SETBP1: variants seen among roughly 807,000 people sequenced by gnomAD.
SETBP1 encodes SET-binding protein.
Under a neutral mutation model 101.0 loss-of-function variants are expected in SETBP1, and 9 were observed. The ratio of observed to expected loss-of-function variants is 0.09; its 90% CI spans 0.05 to 0.16. SETBP1 has a LOEUF of 0.16. Among genes scored for constraint, SETBP1 ranks in the 10% least tolerant of loss-of-function variants. The probability of loss-of-function intolerance (pLI) is 1.00; values close to 1 mark genes in which losing one functional copy is unlikely to be tolerated. For missense variants in SETBP1, 1,858 were observed against 2,033.8 expected, an observed-to-expected ratio of 0.91 and a Z score of 1.66; for synonymous variants, 818 against 788.5, an observed-to-expected ratio of 1.04 and a Z score of -0.63.
intron 2 of SETBP1, among the ~76,000 whole-genome samples, chr18:44,721,994 G>C (rs1336978973): frequency 6.6e-6 from 1 of 152,178 alleles, no homozygotes; most frequent in Non-Finnish European, 1.5e-5. Flanking sequence ...TTGCCAACTA[G>C]AGGGTATCTG....
At chr18:44,767,193 T>C (rs182215981) in intron 2 of SETBP1, among the ~76,000 whole-genome samples, 5 of 152,370 alleles carry the variant, frequency 3.3e-5, no homozygotes, top group Non-Finnish European at 7.3e-5. Flanking sequence ...CCTGGGGATG[T>C]CCAAGCACAG....
intron 3 of SETBP1, among the ~76,000 whole-genome samples, chr18:44,939,669 C>T (rs978995254): frequency 3.9e-5 from 6 of 152,186 alleles, no homozygotes; most frequent in Non-Finnish European, 8.8e-5. Flanking sequence ...ATGCTCCCTC[C>T]AACAACGTAT....
intron 4 of SETBP1, among the ~76,000 whole-genome samples, chr18:44,997,997 G>A (rs1432510007): frequency 6.6e-6 from 1 of 152,174 alleles, no homozygotes; most frequent in Non-Finnish European, 1.5e-5. Context: ...GGAATCTTTA[G>A]CACATATTGT....
chr18:45,028,517 T>C (rs960093179), intron 4 of SETBP1, among the ~76,000 whole-genome samples: 1 of 152,140 alleles, frequency 6.6e-6, no homozygotes, highest in African/African-American at 2.4e-5. Context: ...GTCCTTTGGG[T>C]ATATACCCAG....
At chr18:44,960,711 C>A (rs1266420230) in intron 4 of SETBP1, among the ~76,000 whole-genome samples, 1 of 152,094 alleles carries the variant, frequency 6.6e-6, no homozygotes, top group Non-Finnish European at 1.5e-5. Flanking sequence ...TCTTCCCTGA[C>A]CACTCCCTTT....
At chr18:44,984,317 A>G (rs180860259) in intron 4 of SETBP1, among the ~76,000 whole-genome samples, 165 of 152,248 alleles carry the variant, frequency 1.1e-3, no homozygotes, top group African/African-American at 3.6e-3. Context: ...CGGAGAAGGG[A>G]GGATAATTTC....
At chr18:44,812,059 G>T (rs1034915028) in intron 2 of SETBP1, among the ~76,000 whole-genome samples, 1 of 152,176 alleles carries the variant, frequency 6.6e-6, no homozygotes, top group Admixed American at 6.5e-5. Flanking sequence ...CCCAGGGCTT[G>T]TAGAATTAGG....
chr18:44,741,676 T>C, intron 2 of SETBP1, among the ~76,000 whole-genome samples: 1 of 150,786 alleles, frequency 6.6e-6, no homozygotes, highest in East Asian at 2.0e-4. Flanking sequence ...GTGGGAGGTG[T>C]GGGGTGGGAG....
intron 5 of SETBP1, among the ~76,000 whole-genome samples, chr18:45,040,975 C>T (rs373192564): frequency 6.6e-6 from 1 of 152,208 alleles, no homozygotes; most frequent in African/African-American, 2.4e-5. Flanking sequence ...TTTCACTCCC[C>T]ACAGATAAAA....
chr18:44,761,651 T>C (rs2070650581), intron 2 of SETBP1, among the ~76,000 whole-genome samples: 2 of 152,240 alleles, frequency 1.3e-5, no homozygotes, highest in South Asian at 4.1e-4. Flanking sequence ...GTGCTCTTAT[T>C]GGATCTATGT....
chr18:44,985,829 T>A (rs1301461961), intron 4 of SETBP1, among the ~76,000 whole-genome samples: 2 of 152,228 alleles, frequency 1.3e-5, no homozygotes, highest in Non-Finnish European at 2.9e-5. Flanking sequence ...AGATTTACAA[T>A]GAAGGGCACA....
chr18:44,757,641 A>G (rs2070529937), intron 2 of SETBP1, among the ~76,000 whole-genome samples: 1 of 152,312 alleles, frequency 6.6e-6, no homozygotes, highest in African/African-American at 2.4e-5. Flanking sequence ...CTTCATCTGT[A>G]CTATCTTATT....
At chr18:44,695,854 A>AT (rs1259345325) in intron 1 of SETBP1, among the ~76,000 whole-genome samples, 5 of 150,616 alleles carry the variant, frequency 3.3e-5, no homozygotes, top group Non-Finnish European at 7.4e-5. Context: ...AGGCTGGGAA[A>AT]CCACCTTTTT....
At chr18:45,060,619 T>A (rs1245612645) in intron 5 of SETBP1, among the ~76,000 whole-genome samples, 2 of 152,222 alleles carry the variant, frequency 1.3e-5, no homozygotes, top group African/African-American at 4.8e-5. Context: ...TTTTTAGGAT[T>A]GTTTGGTAGA....
chr18:44,826,376 T>G (rs2072237928), intron 2 of SETBP1, among the ~76,000 whole-genome samples: 1 of 152,142 alleles, frequency 6.6e-6, no homozygotes, highest in Non-Finnish European at 1.5e-5. Flanking sequence ...TTGTACCTGT[T>G]GGGTCTGCCC....
At chr18:44,687,095 G>A (rs1357707606) in intron 1 of SETBP1, among the ~76,000 whole-genome samples, 1 of 152,224 alleles carries the variant, frequency 6.6e-6, no homozygotes, top group Non-Finnish European at 1.5e-5. Context: ...CCTGGCCACA[G>A]TGGAAAACAG....
chr18:45,049,832 T>G (rs1035564286), intron 5 of SETBP1, among the ~76,000 whole-genome samples: 3 of 152,166 alleles, frequency 2.0e-5, no homozygotes, highest in African/African-American at 7.2e-5. Flanking sequence ...GGAAAAGGCC[T>G]TCGAGATGGT....
At position 44,952,765 on chromosome 18, in the gene SETBP1, T is replaced by A; in HGVS notation, c.3425T>A (p.Leu1142Gln). The A allele has an allele frequency of 6.2e-7, 1 of 1,614,146 alleles. No homozygotes were observed. Among genetic ancestry groups the A allele is most frequent in the East Asian group, 2.2e-5 (1 of 44,868 alleles). Residue 1142 changes from leucine to glutamine, a missense_variant, in exon 4 of 6, where the codon CTG becomes CAG. Around this residue, in one of 12 missense-constraint regions of SETBP1, gnomAD observed 417 missense variants for 389.1 expected, o/e 1.07. Transcript: ENST00000649279. The stretch of plus-strand genomic sequence containing the variant: ...CCTCCCAAGGTAGGCAGTGCCAGTC[T>A]GTCCAGTGGTCGGCTCCATAAGAGG... ...LNPPKVGSAS[L>Q]SSGRLHKRKH...
At chr18:44,754,846 C>G (rs1056651810) in intron 2 of SETBP1, among the ~76,000 whole-genome samples, 1 of 152,192 alleles carries the variant, frequency 6.6e-6, no homozygotes, top group African/African-American at 2.4e-5. Context: ...AAAATCCTCT[C>G]TCAGGAATGA....
Sources: gnomAD v4.1 joint callset for allele counts (sites outside exome capture counted in the v4.1 genomes callset) on GRCh38, gnomAD v4.1.1 for gene constraint, gnomAD v4.1.1 regional missense constraint, MANE v1.5 for transcripts, NCBI Gene and HGNC (gene_info 2026-07-23, HGNC 2026-07-21) for gene names.